Variants in LIPC observed in about 807,000 individuals in gnomAD.
LIPC encodes lipase C, hepatic type.
Under a neutral mutation model 50.7 loss-of-function variants are expected in LIPC, and 44 were observed. The ratio of observed to expected loss-of-function variants is 0.87; its 90% CI spans 0.68 to 1.11. LIPC has a LOEUF of 1.11. Ranked by LOEUF, LIPC falls within the 50% of genes most tolerant of loss-of-function variation. The pLI, the probability that LIPC is intolerant of heterozygous loss-of-function variation, is 0.00. For missense variants in LIPC, 697 were observed against 648.2 expected, an observed-to-expected ratio of 1.08 and a Z score of -0.82; for synonymous variants, 271 against 256.4, an observed-to-expected ratio of 1.06 and a Z score of -0.54.
At chr15:58,535,046 G>C (rs932225791) in intron 1 of LIPC, among the ~76,000 whole-genome samples, 1 of 152,124 alleles carries the variant, frequency 6.6e-6, no homozygotes, top group East Asian at 1.9e-4. Context: ...AGGCACCAGA[G>C]CCCCACTTTC....
chr15:58,565,507 C>A (rs536790704), intron 8 of LIPC: 43 of 1,373,574 alleles, frequency 3.1e-5, no homozygotes, highest in Non-Finnish European at 4.0e-5. Context: ...GCAGGTGCTC[C>A]ATGGCATTGG....
At chr15:58,489,340 C>CGCTATT (rs1223985649) in intron 1 of LIPC, among the ~76,000 whole-genome samples, 2 of 151,584 alleles carry the variant, frequency 1.3e-5, no homozygotes, top group Admixed American at 6.6e-5. Flanking sequence ...ACCAAGACCA[C>CGCTATT]GCTATTGTAG....
chr15:58,516,350 G>T (rs1892490082), intron 1 of LIPC, among the ~76,000 whole-genome samples: 1 of 142,250 alleles, frequency 7.0e-6, no homozygotes, highest in Non-Finnish European at 1.5e-5. Context: ...TGATCATCTT[G>T]GATCTATGTA....
At chr15:58,445,090 G>C (rs1424557905) in intron 1 of LIPC, among the ~76,000 whole-genome samples, 2 of 152,242 alleles carry the variant, frequency 1.3e-5, no homozygotes, top group African/African-American at 2.4e-5. Flanking sequence ...GCCGCTAGCA[G>C]GGTGGGATGG....
chr15:58,531,130 A>C (rs188255613), intron 1 of LIPC, among the ~76,000 whole-genome samples: 269 of 152,262 alleles, frequency 1.8e-3, no homozygotes, highest in Non-Finnish European at 3.2e-3. Flanking sequence ...GAGGAGTTCT[A>C]CCCGGTTTTG....
At chr15:58,503,630 G>T (rs1892057741) in intron 1 of LIPC, among the ~76,000 whole-genome samples, 1 of 152,216 alleles carries the variant, frequency 6.6e-6, no homozygotes, top group African/African-American at 2.4e-5. Flanking sequence ...TCACTCCAGG[G>T]AATGTGAAGG....
In LIPC at chr15:58,538,117, G is replaced by A. The variant is rs1439292929; in HGVS notation, c.89-216G>A. On this transcript the variant is annotated intron_variant, in intron 1 of 8. Transcript: ENST00000299022. ...TGGTCACTGGGATAACAGGCTAGAG[G>A]ATCTGGTGATCTCAACCTCCTAGGC... Among the ~76,000 whole-genome samples, 3 of 152,146 alleles carry A rather than the reference G, an allele frequency of 2.0e-5. No individual in the cohort carries two copies. The East Asian group carries it at 5.8e-4, about 29-fold the overall frequency.
chr15:58,557,587 G>A (rs571815435), intron 6 of LIPC, among the ~76,000 whole-genome samples: 30 of 151,772 alleles, frequency 2.0e-4, no homozygotes, highest in East Asian at 7.7e-4. Flanking sequence ...GGGTTTCACC[G>A]TGTTAGCCAG....
intron 3 of LIPC, 133 bp downstream of exon 3, chr15:58,542,100 A>G (rs1402018301): frequency 5.5e-6 from 6 of 1,100,438 alleles, no homozygotes; most frequent in Non-Finnish European, 8.0e-6. Flanking sequence ...AGGAATGAGA[A>G]GGCACAGGAC....
chr15:58,563,282 C>A (rs1247277628), intron 7 of LIPC, among the ~76,000 whole-genome samples: 2 of 152,128 alleles, frequency 1.3e-5, no homozygotes, highest in African/African-American at 2.4e-5. Context: ...GATGTGTTAA[C>A]CAGAAAATAG....
intron 1 of LIPC, among the ~76,000 whole-genome samples, chr15:58,509,884 T>C (rs766302601): frequency 6.6e-6 from 1 of 152,188 alleles, no homozygotes; most frequent in Admixed American, 6.5e-5. Context: ...AAAATTTTAG[T>C]TGTTATAACT....
At chr15:58,514,098 G>A (rs1161987111) in intron 1 of LIPC, among the ~76,000 whole-genome samples, 2 of 152,196 alleles carry the variant, frequency 1.3e-5, no homozygotes, top group East Asian at 1.9e-4. Flanking sequence ...AAGCATCATC[G>A]TAAAAGCCCC....
chr15:58,482,649 A>T (rs1055037598), intron 1 of LIPC, among the ~76,000 whole-genome samples: 1 of 152,216 alleles, frequency 6.6e-6, no homozygotes, highest in Non-Finnish European at 1.5e-5. Context: ...CTCACTGAGC[A>T]GTGTTCCTGG....
chr15:58,463,801 A>G (rs1008793186), intron 1 of LIPC, among the ~76,000 whole-genome samples: 1 of 152,186 alleles, frequency 6.6e-6, no homozygotes, highest in Non-Finnish European at 1.5e-5. Context: ...AAAAAGTCCA[A>G]TAAAGGCATT....
intron 1 of LIPC, among the ~76,000 whole-genome samples, chr15:58,499,850 A>T (rs1190232123): frequency 1.3e-5 from 2 of 152,198 alleles, no homozygotes; most frequent in African/African-American, 4.8e-5. Flanking sequence ...AGGTAAAGTG[A>T]TAAATAGGAT....
chr15:58,432,094 G>A lies in LIPC; in HGVS notation c.62G>A (p.Ser21Asn). ...LLVLCIFIQSSALGQSLKPEP... is the reference protein window; with the variant it reads ...LLVLCIFIQSNALGQSLKPEP... ...GTTTTATGCATCTTTATCCAATCAA[G>A]TGCCCTTGGACAAAGCCTGAAACCA... The change falls in exon 1 of 9, where the codon AGT (serine) becomes AAT (asparagine). Residue 21 changes from serine (S) to asparagine (N), a missense_variant. Ser to Asn is a conservative substitution (Grantham distance 46). Coordinates refer to ENST00000299022, the MANE Select transcript of LIPC (RefSeq NM_000236.3). The A allele has an allele frequency of 6.2e-7, 1 of 1,613,862 alleles. No individual in the cohort carries two copies.
intron 1 of LIPC, among the ~76,000 whole-genome samples, chr15:58,474,714 G>A (rs930479057): frequency 1.3e-5 from 2 of 152,124 alleles, no homozygotes; most frequent in Admixed American, 6.5e-5. Flanking sequence ...GACAACCTTC[G>A]AGGTCGTTCC....
chr15:58,547,648 A>G (rs1893582590), intron 5 of LIPC, among the ~76,000 whole-genome samples: 1 of 149,068 alleles, frequency 6.7e-6, no homozygotes, highest in Non-Finnish European at 1.5e-5. Flanking sequence ...AAAAAAAAAA[A>G]GGTCAAATCC....
intron 1 of LIPC, among the ~76,000 whole-genome samples, chr15:58,477,135 A>G (rs111494542): frequency 1.4e-4 from 21 of 152,336 alleles, no homozygotes; most frequent in African/African-American, 4.8e-4. Context: ...CACAGGCATC[A>G]GAGGATGAAG....
Sources: gnomAD v4.1 joint callset for allele counts (sites outside exome capture counted in the v4.1 genomes callset) on GRCh38, gnomAD v4.1.1 for gene constraint, MANE v1.5 for transcripts, NCBI Gene and HGNC (gene_info 2026-07-23, HGNC 2026-07-21) for gene names.